ACOXL: variants seen among roughly 807,000 people sequenced by gnomAD.
The protein encoded by ACOXL is acyl-coenzyme A oxidase-like protein.
In ACOXL, 70 loss-of-function variants were observed where a neutral mutation model predicts 71.9. The observed-to-expected ratio is 0.97, with a 90% CI of 0.80 to 1.19. The LOEUF is 1.19. Among genes scored for constraint, ACOXL ranks in the 50% most tolerant of loss-of-function variants. The pLI, the probability that ACOXL is intolerant of heterozygous loss-of-function variation, is 0.00. For missense variants in ACOXL, 703 were observed against 736.3 expected, an observed-to-expected ratio of 0.95 and a Z score of 0.52; for synonymous variants, 253 against 281.6, an observed-to-expected ratio of 0.90 and a Z score of 1.02.
At chr2:110,809,916 G>A (rs1319571961) in intron 9 of ACOXL, among the ~76,000 whole-genome samples, 1 of 152,186 alleles carries the variant, frequency 6.6e-6, no homozygotes, top group Non-Finnish European at 1.5e-5. Context: ...CTGCTGTGAG[G>A]TCTTGCTTGG....
chr2:110,818,995 G>A (rs1026406586), intron 9 of ACOXL, among the ~76,000 whole-genome samples: 2 of 66,006 alleles, frequency 3.0e-5, no homozygotes, highest in African/African-American at 6.7e-5. Flanking sequence ...CAGCACCTAA[G>A]GTACTGTCCG....
chr2:110,856,331 A>G (rs1300432308), intron 10 of ACOXL, among the ~76,000 whole-genome samples: 1 of 152,146 alleles, frequency 6.6e-6, no homozygotes, highest in Non-Finnish European at 1.5e-5. Context: ...CCCACCCGTT[A>G]GTCACTTAGT....
intron 9 of ACOXL, among the ~76,000 whole-genome samples, chr2:110,811,730 T>TACACACACACCCACACACACACACACAC (rs1687346638): frequency 9.8e-6 from 1 of 101,614 alleles, no homozygotes. Flanking sequence ...TTTTTTTGCA[T>TACACACACACCCACACACACACACACAC]ACACACACAC....
At chr2:110,816,813 C>G (rs1687976566) in intron 9 of ACOXL, among the ~76,000 whole-genome samples, 1 of 152,220 alleles carries the variant, frequency 6.6e-6, no homozygotes, top group South Asian at 2.1e-4. Flanking sequence ...TTTACTCCAG[C>G]AATACAGACC....
chr2:110,993,354 T>C (rs1390989293), intron 13 of ACOXL, among the ~76,000 whole-genome samples: 1 of 152,236 alleles, frequency 6.6e-6, no homozygotes, highest in Admixed American at 6.5e-5. Context: ...AGATTAGTTT[T>C]TCTATACTAG....
intron 9 of ACOXL, 98 bp downstream of exon 9, chr2:110,805,493 T>A (rs966634302): frequency 5.2e-6 from 8 of 1,538,572 alleles, no homozygotes; most frequent in Non-Finnish European, 7.1e-6. Flanking sequence ...GGAGCCACAG[T>A]TGGTATAATA....
chr2:110,848,488 T>G (rs951804969), intron 10 of ACOXL, among the ~76,000 whole-genome samples: 1 of 152,206 alleles, frequency 6.6e-6, no homozygotes, highest in African/African-American at 2.4e-5. Context: ...GCCCAAGTCA[T>G]ATGCTTTTCC....
In ACOXL at chr2:111,081,294, C is replaced by T. The variant is rs188033030; in HGVS notation, c.1441-11571C>T. Reference sequence around the variant, plus strand: ...ACCCCATCGTCTCAGCCCAGAATCTCCTTAAGCGTATAAGCAACTTCAGCA... The same window carrying T: ...ACCCCATCGTCTCAGCCCAGAATCTTCTTAAGCGTATAAGCAACTTCAGCA... On this transcript the variant is annotated intron_variant, in intron 16 of 17. Transcript: ENST00000439055. Among the ~76,000 whole-genome samples, 146 of 152,294 alleles carry T rather than the reference C, an allele frequency of 9.6e-4. 1 individual carries two copies. The highest frequency in any genetic ancestry group is 6.7e-3 in the Admixed American group (103 of 15,284).
At chr2:110,939,609 G>A (rs796164118) in intron 12 of ACOXL, among the ~76,000 whole-genome samples, 9 of 152,224 alleles carry the variant, frequency 5.9e-5, no homozygotes, top group African/African-American at 1.7e-4. Flanking sequence ...AAACATTCTA[G>A]TACCTTGGCA....
chr2:110,927,988 A>G (rs569355037), intron 11 of ACOXL, among the ~76,000 whole-genome samples: 1 of 152,326 alleles, frequency 6.6e-6, no homozygotes, highest in Non-Finnish European at 1.5e-5. Context: ...TAACAATTTT[A>G]AAAAATCAAT....
chr2:110,970,761 A>G (rs1214726462), intron 12 of ACOXL, among the ~76,000 whole-genome samples: 1 of 152,236 alleles, frequency 6.6e-6, no homozygotes, highest in African/African-American at 2.4e-5. Context: ...GAGTAATTGG[A>G]CATCCACAGG....
chr2:111,010,003 C>CT (rs1394132606), intron 14 of ACOXL, among the ~76,000 whole-genome samples: 1 of 152,092 alleles, frequency 6.6e-6, no homozygotes, highest in Admixed American at 6.6e-5. Context: ...ACTCAATACC[C>CT]TTTAGAGGAA....
rs74386829 is a variant in ACOXL, at chr2:110,947,960, T to G, written c.1059+14318T>G. Among the ~76,000 whole-genome samples, 95 of 152,244 alleles carry G rather than the reference T, an allele frequency of 6.2e-4. No homozygotes were observed. The East Asian group carries it at 0.017, about 27-fold the overall frequency. On this transcript the variant is annotated intron_variant, in intron 12 of 17. Transcript: ENST00000439055. The stretch of plus-strand genomic sequence containing the variant: ...CTCCTTTGAAACCAACACTAGAAGG[T>G]GCCACTCTCGTGTCACCGTGCCCTC...
At chr2:110,764,223 C>G (rs1012146574) in intron 1 of ACOXL, among the ~76,000 whole-genome samples, 11 of 152,046 alleles carry the variant, frequency 7.2e-5, no homozygotes, top group African/African-American at 2.7e-4. Flanking sequence ...ATATTTATAG[C>G]AATTCTATTC....
At chr2:110,757,642 TG>T (rs531474276) in intron 1 of ACOXL, among the ~76,000 whole-genome samples, 240 of 152,356 alleles carry the variant, frequency 1.6e-3, no homozygotes, top group Non-Finnish European at 2.6e-3. Flanking sequence ...ATTTCTCTAA[TG>T]ATCAGTGATG....
chr2:111,005,563 A>G (rs1450311880), intron 14 of ACOXL, among the ~76,000 whole-genome samples: 1 of 152,236 alleles, frequency 6.6e-6, no homozygotes, highest in African/African-American at 2.4e-5. Context: ...TTTAAAACAT[A>G]ATAAACCGCA....
chr2:110,760,326 A>T (rs534702829), intron 1 of ACOXL, among the ~76,000 whole-genome samples: 6 of 151,868 alleles, frequency 4.0e-5, no homozygotes, highest in South Asian at 2.1e-4. Context: ...TTGCATTTTT[A>T]GTAGAAACGG....
chr2:110,750,764 C>T (rs1427882141), intron 1 of ACOXL, among the ~76,000 whole-genome samples: 1 of 151,476 alleles, frequency 6.6e-6, no homozygotes, highest in Non-Finnish European at 1.5e-5. Flanking sequence ...TGGCACAATC[C>T]TGGCTCAGTG....
chr2:111,114,895 A>G (rs1201216843), intron 17 of ACOXL, among the ~76,000 whole-genome samples: 1 of 151,982 alleles, frequency 6.6e-6, no homozygotes, highest in Non-Finnish European at 1.5e-5. Flanking sequence ...ACATATTAAT[A>G]TAGTCAAACA....
Sources: gnomAD v4.1 joint callset for allele counts (sites outside exome capture counted in the v4.1 genomes callset) on GRCh38, gnomAD v4.1.1 for gene constraint, MANE v1.5 for transcripts, NCBI Gene and HGNC (gene_info 2026-07-23, HGNC 2026-07-21) for gene names.